The following LRP1B variants were observed in gnomAD, a reference collection of about 807,000 sequenced individuals.
LRP1B encodes low-density lipoprotein receptor-related protein 1B.
Under a neutral mutation model 556.6 loss-of-function variants are expected in LRP1B, and 217 were observed. The ratio of observed to expected loss-of-function variants is 0.39; its 90% CI spans 0.35 to 0.44. LRP1B has a LOEUF of 0.44. Ranked by LOEUF, LRP1B falls within the 20% of genes least tolerant of loss-of-function variation. The probability of loss-of-function intolerance (pLI) is 1.00; values close to 1 mark genes in which losing one functional copy is unlikely to be tolerated. For missense variants in LRP1B, 5,053 were observed against 5,620.8 expected (o/e 0.90, Z 3.23); for synonymous variants, 2,047 against 1,865.8 (o/e 1.10, Z -2.50).
chr2:141,010,841 G>C (rs144942024), intron 14 of LRP1B, among the ~76,000 whole-genome samples: 7 of 151,780 alleles, frequency 4.6e-5, no homozygotes, highest in Middle Eastern at 3.4e-3. Context: ...CTAATATGAG[G>C]AGTAAGGGGA....
intron 21 of LRP1B, 38 bp from the exon 22 acceptor site, chr2:140,908,115 G>C (rs753433183): frequency 1.1e-5 from 17 of 1,534,886 alleles, no homozygotes; most frequent in Non-Finnish European, 1.4e-5. Flanking sequence ...TGATTTTTGT[G>C]ATTAGGTCAT....
chr2:141,437,934 A>G lies in LRP1B; in HGVS notation c.343+42462T>C, dbSNP rs543047094. Among the ~76,000 whole-genome samples the G allele has an allele frequency of 2.6e-5, 4 of 152,122 alleles. No individual in the cohort carries two copies. The South Asian group carries it at 8.3e-4, about 31-fold the overall frequency. Reference sequence around the variant, plus strand: ...ATGAGTTTGCATTTAAAATTCAAGTAATTGTTTACATATTATATTATATGA... The same window carrying G: ...ATGAGTTTGCATTTAAAATTCAAGTGATTGTTTACATATTATATTATATGA... On this transcript the variant is annotated intron_variant, in intron 3 of 90. Coordinates refer to ENST00000389484, the MANE Select transcript of LRP1B (RefSeq NM_018557.3).
chr2:141,757,753 T>A (rs906645), intron 2 of LRP1B, among the ~76,000 whole-genome samples: 1 of 151,750 alleles, frequency 6.6e-6, no homozygotes, highest in Non-Finnish European at 1.5e-5. Flanking sequence ...CCCAGGCTGA[T>A]CTCATACTCC....
chr2:140,474,723 G>T (rs1687898596), intron 60 of LRP1B, among the ~76,000 whole-genome samples: 1 of 151,810 alleles, frequency 6.6e-6, no homozygotes. Flanking sequence ...CTTTAGTCAT[G>T]TACATAGCTT....
chr2:140,787,773 T>G (rs1209120156), intron 32 of LRP1B, among the ~76,000 whole-genome samples: 1 of 151,778 alleles, frequency 6.6e-6, no homozygotes, highest in Non-Finnish European at 1.5e-5. Flanking sequence ...CAGGGTCTCA[T>G]TATATTGCCC....
At chr2:140,662,882 G>T (rs1291721001) in intron 41 of LRP1B, among the ~76,000 whole-genome samples, 1 of 152,128 alleles carries the variant, frequency 6.6e-6, no homozygotes, top group African/African-American at 2.4e-5. Context: ...TGAGGCGCCT[G>T]CAAATGCTTT....
At chr2:140,746,842 A>C (rs1036745822) in intron 35 of LRP1B, among the ~76,000 whole-genome samples, 16 of 152,244 alleles carry the variant, frequency 1.1e-4, no homozygotes, top group African/African-American at 3.6e-4. Flanking sequence ...ACCTATGTTC[A>C]TTAACAACAA....
At chr2:141,208,801 G>A (rs141367077) in intron 6 of LRP1B, among the ~76,000 whole-genome samples, 11,504 of 147,794 alleles carry the variant, frequency 0.078, 490 homozygotes, top group East Asian at 0.15. Context: ...CCTGGGAGGC[G>A]GAGCTTACAG....
chr2:141,035,854 A>G lies in LRP1B; in HGVS notation c.1789+13132T>C, dbSNP rs185428623. On this transcript the variant is annotated intron_variant, in intron 11 of 90. Coordinates refer to ENST00000389484, the MANE Select transcript of LRP1B (RefSeq NM_018557.3). ...AACTGTGGATATTTAAAGCATCACA[A>G]GGGATTCACATATATTCACGGAAGT... Among the ~76,000 whole-genome samples, 33 of 152,268 alleles carry G rather than the reference A, an allele frequency of 2.2e-4. No individual in the cohort carries two copies. The East Asian group carries it at 4.4e-3, about 21-fold the overall frequency.
At position 140,909,313 on chromosome 2, in the gene LRP1B, C is replaced by T. The variant is rs550094212; in HGVS notation, c.3320-1236G>A. On this transcript the variant is annotated intron_variant, in intron 21 of 90. Transcript: ENST00000389484. ...AATACAAGGGAAATGGAAAATATTA[C>T]ATTGTATATATCCAAAAGTCATTAG... 1.1e-4 allele frequency among the ~76,000 whole-genome samples: 16 copies of T among 152,100 alleles called. No individual in the cohort carries two copies. The South Asian group carries it at 2.5e-3, about 24-fold the overall frequency.
intron 3 of LRP1B, among the ~76,000 whole-genome samples, chr2:141,432,536 G>C (rs1195538230): frequency 6.6e-6 from 1 of 151,958 alleles, no homozygotes; most frequent in African/African-American, 2.4e-5. Context: ...GTGTTTAGTA[G>C]AATTAACCTT....
At chr2:140,423,657 C>A (rs11904772) in intron 66 of LRP1B, among the ~76,000 whole-genome samples, 2,190 of 152,114 alleles carry the variant, frequency 0.014, 56 homozygotes, top group African/African-American at 0.05. Context: ...AAAAACAATG[C>A]AGGCATCATT....
intron 20 of LRP1B, among the ~76,000 whole-genome samples, chr2:140,928,594 G>T (rs1694955814): frequency 6.6e-6 from 1 of 151,988 alleles, no homozygotes; most frequent in Admixed American, 6.6e-5. Context: ...TATAGCATAG[G>T]GCCCCATCTT....
At position 141,111,987 on chromosome 2, in the gene LRP1B, A is replaced by C. The variant is rs537245604; in HGVS notation, c.1014-49714T>G. On this transcript the variant is annotated intron_variant, in intron 7 of 90. Transcript: ENST00000389484. ...CGTGAACTCGGGAGGCAGAGCTTGT[A>C]GTGAGACAAGAACGAGCCACTGCAC... Among the ~76,000 whole-genome samples, 116 of 151,978 alleles carry C rather than the reference A, an allele frequency of 7.6e-4. 2 individuals are homozygous for C. The highest frequency in any genetic ancestry group is 2.5e-3 in the African/African-American group (105 of 41,460).
chr2:141,068,962 G>A (rs1558838251), intron 7 of LRP1B, among the ~76,000 whole-genome samples: 2 of 151,998 alleles, frequency 1.3e-5, no homozygotes, highest in South Asian at 2.1e-4. Flanking sequence ...TATTATTTTG[G>A]CCTAAATTGA....
At chr2:141,359,671 G>T (rs1170881754) in intron 3 of LRP1B, among the ~76,000 whole-genome samples, 1 of 152,078 alleles carries the variant, frequency 6.6e-6, no homozygotes, top group African/African-American at 2.4e-5. Context: ...CAGGAGAATC[G>T]CTTGAACCCG....
At chr2:140,658,684 C>CATTT (rs111867527) in intron 41 of LRP1B, among the ~76,000 whole-genome samples, 1,544 of 151,744 alleles carry the variant, frequency 0.01, 18 homozygotes, top group African/African-American at 0.031. Context: ...AATATGTCTA[C>CATTT]ATTTATTTAT....
chr2:140,915,105 A>G (rs1694536042), intron 21 of LRP1B, among the ~76,000 whole-genome samples: 1 of 152,166 alleles, frequency 6.6e-6, no homozygotes, highest in Admixed American at 6.6e-5. Context: ...AAGGGAAGCC[A>G]TTGGATGTTA....
chr2:142,033,071 G>T (rs1483089438), intron 1 of LRP1B, among the ~76,000 whole-genome samples: 1 of 151,682 alleles, frequency 6.6e-6, no homozygotes, highest in African/African-American at 2.4e-5. Flanking sequence ...TCTTAAGGGA[G>T]TATAAGAATC....
Sources: allele counts gnomAD v4.1 joint callset (sites outside exome capture counted in the v4.1 genomes callset), GRCh38; gene constraint gnomAD v4.1.1; transcripts MANE v1.5; gene names NCBI Gene and HGNC (gene_info 2026-07-23, HGNC 2026-07-21).